RASGRF2: variants seen among roughly 807,000 people sequenced by gnomAD.
RASGRF2 encodes the protein Ras protein specific guanine nucleotide releasing factor 2, also known as ras-specific guanine nucleotide-releasing factor 2.
In RASGRF2, 76 loss-of-function variants were observed where a neutral mutation model predicts 151.0. The ratio of observed to expected loss-of-function variants is 0.50; its 90% CI spans 0.42 to 0.61. RASGRF2 has a LOEUF of 0.61. Ranked by LOEUF, RASGRF2 falls within the 20% of genes least tolerant of loss-of-function variation. The probability of loss-of-function intolerance (pLI) is 0.00; values close to 1 mark genes in which losing one functional copy is unlikely to be tolerated. For synonymous variants in RASGRF2, 504 were observed against 566.5 expected (o/e 0.89, Z 1.57); for missense variants, 1,148 against 1,564.6 (o/e 0.73, Z 4.49).
chr5:81,218,936 A>C (rs1437412341), intron 25 of RASGRF2, among the ~76,000 whole-genome samples: 1 of 152,140 alleles, frequency 6.6e-6, no homozygotes, highest in Non-Finnish European at 1.5e-5. Context: ...TTGGTTAGGT[A>C]TATTCCTAAG....
intron 17 of RASGRF2, among the ~76,000 whole-genome samples, chr5:81,143,747 G>A (rs529944721): frequency 2.5e-4 from 38 of 151,970 alleles, no homozygotes; most frequent in Non-Finnish European, 4.1e-4. Context: ...AAAATTAGCC[G>A]GACGTGGTGG....
In RASGRF2 at chr5:81,070,479, C is replaced by A. The variant is rs913869927; in HGVS notation, c.544-13C>A. ...TTTCCCAAATCATGAAATGGACCAACTTTGTGTTCCAGATTATTGCTCTTA... is the reference window on the plus strand; with the variant it reads ...TTTCCCAAATCATGAAATGGACCAAATTTGTGTTCCAGATTATTGCTCTTA... On this transcript the variant is annotated splice_polypyrimidine_tract_variant and intron_variant, in intron 3 of 26. Coordinates refer to ENST00000265080, the MANE Select transcript of RASGRF2 (RefSeq NM_006909.3). 1.3e-6 allele frequency: 2 copies of A among 1,576,442 alleles called. No individual in the cohort carries two copies. The highest frequency in any genetic ancestry group is 3.3e-5 in the Admixed American group (2 of 59,950).
chr5:81,212,703 A>G lies in RASGRF2; in HGVS notation c.3354+140A>G. The G allele has an allele frequency of 3.9e-6, 3 of 760,554 alleles. No homozygotes were observed. In the East Asian group the frequency reaches 8.2e-5, roughly 21 times the overall value. The allele number at this position is 760,554 out of a possible 1,614,324, so 47.1% of individuals were successfully genotyped here. A position where few individuals can be genotyped will look rare whatever the true frequency, so the allele number is the denominator to read the frequency against. ...GCCAAAGAAAGGTGCCAACATGGGTAATTACAGGGCTCTTACCACTTAATT... is the reference window on the plus strand; with the variant it reads ...GCCAAAGAAAGGTGCCAACATGGGTGATTACAGGGCTCTTACCACTTAATT... On this transcript the variant is annotated intron_variant, in intron 23 of 26. Coordinates refer to ENST00000265080, the MANE Select transcript of RASGRF2 (RefSeq NM_006909.3).
At chr5:81,077,246 C>A (rs886880186) in intron 5 of RASGRF2, among the ~76,000 whole-genome samples, 1 of 152,144 alleles carries the variant, frequency 6.6e-6, no homozygotes, top group African/African-American at 2.4e-5. Flanking sequence ...AGGGATGCAG[C>A]TATTGACAAT....
chr5:81,134,284 T>C (rs1277570460), intron 17 of RASGRF2, among the ~76,000 whole-genome samples: 1 of 152,198 alleles, frequency 6.6e-6, no homozygotes, highest in Non-Finnish European at 1.5e-5. Context: ...TTAGGAAGTA[T>C]GTCTGGATTT....
In RASGRF2 at chr5:81,157,197, C is replaced by G. The variant is rs368558707; in HGVS notation, c.2687-22978C>G. On this transcript the variant is annotated intron_variant, in intron 17 of 26. Transcript: ENST00000265080. ...TGAAACCCTGTCTCTATTAAAAATACAAAAACATTAGCCAGGTGCGGTGGT... is the reference window on the plus strand; with the variant it reads ...TGAAACCCTGTCTCTATTAAAAATAGAAAAACATTAGCCAGGTGCGGTGGT... Among the ~76,000 whole-genome samples the G allele has an allele frequency of 1.4e-3, 207 of 151,724 alleles. 4 individuals are homozygous for G. Among genetic ancestry groups the G allele is most frequent in the African/African-American group, 4.8e-3 (199 of 41,354 alleles).
At chr5:81,154,863 G>A (rs116768753) in intron 17 of RASGRF2, among the ~76,000 whole-genome samples, 192 of 152,240 alleles carry the variant, frequency 1.3e-3, no homozygotes, top group Middle Eastern at 0.01. Context: ...CCTCCACACT[G>A]GTTTCCATAA....
intron 18 of RASGRF2, among the ~76,000 whole-genome samples, chr5:81,196,583 T>G (rs889596208): frequency 6.6e-6 from 1 of 152,078 alleles, no homozygotes; most frequent in African/African-American, 2.4e-5. Context: ...CTTTCCCACA[T>G]TTGCCATCCT....
chr5:81,064,797 A>G (rs192665273), intron 2 of RASGRF2, among the ~76,000 whole-genome samples: 2 of 152,312 alleles, frequency 1.3e-5, no homozygotes, highest in Admixed American at 1.3e-4. Flanking sequence ...GTTACTGGCT[A>G]CTACCCACTA....
chr5:80,988,767 T>C (rs558592595), intron 1 of RASGRF2, among the ~76,000 whole-genome samples: 6 of 152,356 alleles, frequency 3.9e-5, no homozygotes, highest in African/African-American at 1.4e-4. Flanking sequence ...TGTTGTAATG[T>C]TGCTTAATAA....
At chr5:81,042,389 T>C (rs1321242050) in intron 1 of RASGRF2, among the ~76,000 whole-genome samples, 1 of 152,186 alleles carries the variant, frequency 6.6e-6, no homozygotes. Context: ...TCTGCTAAGG[T>C]TGCAGAAGAG....
At chr5:80,988,815 A>G (rs1482995570) in intron 1 of RASGRF2, among the ~76,000 whole-genome samples, 1 of 152,230 alleles carries the variant, frequency 6.6e-6, no homozygotes, top group African/African-American at 2.4e-5. Context: ...AATAATAGCC[A>G]TTATGTATAG....
intron 14 of RASGRF2, 152 bp from the exon 15 acceptor site, chr5:81,113,386 G>T (rs1006275999): frequency 1.1e-6 from 1 of 871,184 alleles, no homozygotes; most frequent in Non-Finnish European, 1.7e-6. Context: ...CAGGTGGAGG[G>T]TATACATGTA....
intron 17 of RASGRF2, among the ~76,000 whole-genome samples, chr5:81,128,182 T>C (rs1228897613): frequency 6.6e-6 from 1 of 151,946 alleles, no homozygotes; most frequent in Non-Finnish European, 1.5e-5. Flanking sequence ...AAAGGTTCAG[T>C]TGCACAGGAA....
intron 24 of RASGRF2, chr5:81,216,938 C>G: frequency 2.2e-6 from 1 of 455,302 alleles, no homozygotes; most frequent in South Asian, 1.6e-5. Context: ...GTGCAAAGCT[C>G]TAACTGCATG....
At chr5:81,137,700 A>G (rs1753785708) in intron 17 of RASGRF2, among the ~76,000 whole-genome samples, 1 of 152,252 alleles carries the variant, frequency 6.6e-6, no homozygotes, top group Admixed American at 6.5e-5. Context: ...ACGGCCACCT[A>G]CAAGCCAAAG....
chr5:81,003,737 G>A (rs1413978102), intron 1 of RASGRF2, among the ~76,000 whole-genome samples: 2 of 152,162 alleles, frequency 1.3e-5, no homozygotes, highest in African/African-American at 4.8e-5. Context: ...TTAATAAAAT[G>A]TTTACTTGCA....
At chr5:81,097,362 G>A (rs1423354411) in intron 12 of RASGRF2, among the ~76,000 whole-genome samples, 1 of 152,122 alleles carries the variant, frequency 6.6e-6, no homozygotes, top group African/African-American at 2.4e-5. Flanking sequence ...ATATATTTAT[G>A]CAGTGATATA....
At chr5:80,998,771 G>A (rs1393033413) in intron 1 of RASGRF2, among the ~76,000 whole-genome samples, 5 of 152,138 alleles carry the variant, frequency 3.3e-5, no homozygotes, top group Non-Finnish European at 7.3e-5. Flanking sequence ...CAGGCTTGGG[G>A]GCTTCTGGCC....
Sources: gnomAD v4.1 joint callset for allele counts (sites outside exome capture counted in the v4.1 genomes callset) on GRCh38, gnomAD v4.1.1 for gene constraint, MANE v1.5 for transcripts, NCBI Gene and HGNC (gene_info 2026-07-23, HGNC 2026-07-21) for gene names.